Variants in KANK1 observed in about 807,000 individuals in gnomAD.
KANK1 encodes KN motif and ankyrin repeat domain-containing protein 1.
A neutral mutation model predicts 106.2 loss-of-function variants in KANK1; 109 were observed. The observed-to-expected ratio is 1.03, with a 90% CI of 0.88 to 1.20. KANK1 has a LOEUF of 1.20. KANK1 is among the 50% of genes most tolerant of loss of function. The pLI is 0.00. For missense variants in KANK1, 2,399 were observed against 1,710.7 expected, an observed-to-expected ratio of 1.40 and a Z score of -7.10; for synonymous variants, 873 against 652.2, an observed-to-expected ratio of 1.34 and a Z score of -5.16.
intron 1 of KANK1, among the ~76,000 whole-genome samples, chr9:592,714 G>A (rs1825270238): frequency 1.3e-5 from 2 of 151,926 alleles, no homozygotes; most frequent in Non-Finnish European, 2.9e-5. Context: ...AGTTTGAAAT[G>A]TGACTTGAGA....
intron 1 of KANK1, among the ~76,000 whole-genome samples, chr9:536,175 T>TA (rs2060289245): frequency 6.6e-6 from 1 of 151,910 alleles, no homozygotes; most frequent in African/African-American, 2.4e-5. Flanking sequence ...CTGTCTCTAC[T>TA]AAAAAATATA....
At chr9:668,955 G>C (rs1463466044) in intron 1 of KANK1, among the ~76,000 whole-genome samples, 1 of 152,130 alleles carries the variant, frequency 6.6e-6, no homozygotes, top group African/African-American at 2.4e-5. Flanking sequence ...ACAGGAGGTG[G>C]AGCAGGCAGT....
chr9:583,422 T>C (rs1485467152), intron 1 of KANK1, among the ~76,000 whole-genome samples: 1 of 152,180 alleles, frequency 6.6e-6, no homozygotes, highest in South Asian at 2.1e-4. Flanking sequence ...TGACTTTACC[T>C]GCATGTTCTT....
At chr9:654,650 A>G (rs1254878422) in intron 1 of KANK1, among the ~76,000 whole-genome samples, 1 of 152,180 alleles carries the variant, frequency 6.6e-6, no homozygotes, top group Non-Finnish European at 1.5e-5. Context: ...ACATTTTTAA[A>G]TGAATTTTAA....
At chr9:517,255 C>G (rs1450872418) in intron 1 of KANK1, among the ~76,000 whole-genome samples, 3 of 151,648 alleles carry the variant, frequency 2.0e-5, no homozygotes, top group African/African-American at 7.3e-5. Flanking sequence ...AGGCATGCAC[C>G]ACCATGCCTA....
intron 1 of KANK1, among the ~76,000 whole-genome samples, chr9:629,359 C>G (rs1273214305): frequency 6.6e-6 from 1 of 152,128 alleles, no homozygotes; most frequent in Non-Finnish European, 1.5e-5. Context: ...CTTCCCCCAG[C>G]CACAGTGGCA....
At chr9:647,253 T>C (rs1839870560) in intron 1 of KANK1, among the ~76,000 whole-genome samples, 1 of 138,084 alleles carries the variant, frequency 7.2e-6, no homozygotes, top group South Asian at 2.1e-4. Context: ...TATTTGATTA[T>C]TTCTGTTCTC....
chr9:562,332 G>A lies in KANK1; in HGVS notation c.-84+57578G>A, dbSNP rs1327531965. On this transcript the variant is annotated intron_variant, in intron 1 of 11. Transcript: ENST00000382297. ...CTCCCAAAGTGCTGGGATTACAGGC[G>A]TGAGCCACCGCGCCCGGCCCAAGTA... Among the ~76,000 whole-genome samples the A allele has an allele frequency of 3.3e-5, 5 of 152,096 alleles. No individual in the cohort carries two copies. The East Asian group carries it at 5.8e-4, about 18-fold the overall frequency.
At chr9:722,541 C>T (rs1310597949) in intron 3 of KANK1, among the ~76,000 whole-genome samples, 2 of 152,180 alleles carry the variant, frequency 1.3e-5, no homozygotes, top group East Asian at 3.8e-4. Flanking sequence ...ACACAGCAGT[C>T]ATTTGTCAGT....
intron 3 of KANK1, among the ~76,000 whole-genome samples, chr9:729,017 A>C (rs2131642124): frequency 6.6e-6 from 1 of 152,300 alleles, no homozygotes; most frequent in South Asian, 2.1e-4. Context: ...GGACCTCGTG[A>C]GATTGTGCTT....
chr9:526,488 G>A (rs144871253), intron 1 of KANK1, among the ~76,000 whole-genome samples: 2,176 of 151,806 alleles, frequency 0.014, 134 homozygotes, highest in African/African-American at 0.05. Context: ...CGAGGCTGGA[G>A]GATTGCTTGA....
intron 2 of KANK1, among the ~76,000 whole-genome samples, chr9:690,133 C>CAAAAAAAAACAAAA (rs1819533072): frequency 1.6e-5 from 1 of 61,650 alleles, no homozygotes; most frequent in Non-Finnish European, 2.7e-5. Context: ...TCTAAAAATA[C>CAAAAAAAAACAAAA]AAAAAAAAAA....
At chr9:593,540 C>G (rs1226661936) in intron 1 of KANK1, among the ~76,000 whole-genome samples, 2 of 150,200 alleles carry the variant, frequency 1.3e-5, no homozygotes, top group Admixed American at 1.3e-4. Context: ...CACCTGAAGC[C>G]TTTGTTTTTT....
At chr9:630,095 A>T (rs1421337482) in intron 1 of KANK1, among the ~76,000 whole-genome samples, 1 of 151,974 alleles carries the variant, frequency 6.6e-6, no homozygotes, top group African/African-American at 2.4e-5. Flanking sequence ...TAGAAAATAC[A>T]AAAATTAGCA....
At chr9:601,164 C>T (rs1027053668) in intron 1 of KANK1, among the ~76,000 whole-genome samples, 8 of 151,720 alleles carry the variant, frequency 5.3e-5, no homozygotes, top group South Asian at 2.1e-4. Context: ...AAAGGTAGTA[C>T]GGGGCTCCCA....
chr9:501,653 G>C (rs1396269646), upstream of KANK1, among the ~76,000 whole-genome samples: 1 of 150,986 alleles, frequency 6.6e-6, no homozygotes, highest in Non-Finnish European at 1.5e-5. Context: ...CCAATTGCTT[G>C]ATATGATATC....
At chr9:588,827 C>G (rs922400481) in intron 1 of KANK1, among the ~76,000 whole-genome samples, 1 of 152,094 alleles carries the variant, frequency 6.6e-6, no homozygotes, top group African/African-American at 2.4e-5. Flanking sequence ...AATAAAAGCC[C>G]TCTGGTAAAG....
intron 2 of KANK1, among the ~76,000 whole-genome samples, chr9:700,782 A>C (rs1349346210): frequency 2.0e-5 from 3 of 152,184 alleles, no homozygotes; most frequent in African/African-American, 7.2e-5. Flanking sequence ...ACACATAAAT[A>C]GTGTGTGAAA....
chr9:722,756 C>T (rs2885162), intron 3 of KANK1, among the ~76,000 whole-genome samples: 10,798 of 152,210 alleles, frequency 0.071, 889 homozygotes, highest in African/African-American at 0.19. Flanking sequence ...CCAGTTAAGC[C>T]TCAGTAGAAT....
Sources: allele counts gnomAD v4.1 joint callset (sites outside exome capture counted in the v4.1 genomes callset), GRCh38; gene constraint gnomAD v4.1.1; transcripts MANE v1.5; gene names NCBI Gene and HGNC (gene_info 2026-07-23, HGNC 2026-07-21).